The following ZNF267 variants were observed in gnomAD, a reference collection of about 807,000 sequenced individuals.
The protein encoded by ZNF267 is zinc finger (C2H2).
Under a neutral mutation model 71.6 loss-of-function variants are expected in ZNF267, and 61 were observed. The observed-to-expected ratio is 0.85, with a 90% CI of 0.69 to 1.05. The LOEUF (loss-of-function observed/expected upper bound fraction) is 1.05, where lower values mean the gene tolerates loss of function less well. ZNF267 is among the 50% of genes least tolerant of loss of function. The pLI, the probability that ZNF267 is intolerant of heterozygous loss-of-function variation, is 0.00. For missense variants in ZNF267, 852 were observed against 870.0 expected (o/e 0.98, Z 0.26); for synonymous variants, 288 against 293.2 (o/e 0.98, Z 0.18).
At chr16:31,875,061 G>C in intron 1 of ZNF267, 1 of 1,215,108 alleles carries the variant, frequency 8.2e-7, no homozygotes. Flanking sequence ...AAAAAAAACT[G>C]TGCCTCTTTT....
At chr16:31,894,203 A>C (rs2083980455) in intron 3 of ZNF267, among the ~76,000 whole-genome samples, 1 of 152,218 alleles carries the variant, frequency 6.6e-6, no homozygotes, top group Non-Finnish European at 1.5e-5. Context: ...ATTTCTTCAA[A>C]TTTGATGAAA....
In ZNF267 at chr16:31,915,519, A is replaced by C; in HGVS notation, c.1270A>C (p.Thr424Pro). The C allele has an allele frequency of 6.2e-7, 1 of 1,613,212 alleles. No homozygotes were observed. The highest frequency in any genetic ancestry group is 8.5e-7 in the Non-Finnish European group (1 of 1,179,764). The change falls in exon 4 of 4, where the codon ACT (threonine) becomes CCT (proline). Residue 424 changes from threonine (T) to proline (P), a missense_variant. Coordinates refer to ENST00000300870, the MANE Select transcript of ZNF267 (RefSeq NM_003414.6). ...GKAFRCSSYL[T>P]KHKRIHTGEK... ...AGCCTTTCGCTGTAGTTCATACCTT[A>C]CTAAACATAAGCGAATTCATACTGG...
intron 1 of ZNF267, among the ~76,000 whole-genome samples, chr16:31,879,656 T>C (rs1003727597): frequency 2.6e-4 from 39 of 152,218 alleles, no homozygotes; most frequent in African/African-American, 9.2e-4. Context: ...AGAATGGTCT[T>C]TCTGCTTACT....
intron 3 of ZNF267, among the ~76,000 whole-genome samples, chr16:31,904,642 A>G (rs1178310946): frequency 6.6e-6 from 1 of 152,004 alleles, no homozygotes; most frequent in Non-Finnish European, 1.5e-5. Flanking sequence ...TGCTTGGTAG[A>G]TCTTCCTCCG....
intron 1 of ZNF267, among the ~76,000 whole-genome samples, chr16:31,881,207 A>C (rs1398340222): frequency 6.6e-6 from 1 of 152,342 alleles, no homozygotes; most frequent in East Asian, 1.9e-4. Context: ...AAACTATTTA[A>C]ACAAGGCAAA....
intron 3 of ZNF267, among the ~76,000 whole-genome samples, chr16:31,908,014 G>C (rs1312312252): frequency 6.6e-6 from 1 of 151,900 alleles, no homozygotes; most frequent in African/African-American, 2.4e-5. Flanking sequence ...CTGCACTGCA[G>C]CCTGGGTGAC....
intron 3 of ZNF267, among the ~76,000 whole-genome samples, chr16:31,897,157 C>CAAAAAAAAAA (rs199788365): frequency 1.4e-5 from 2 of 147,334 alleles, no homozygotes; most frequent in Non-Finnish European, 1.5e-5. Flanking sequence ...CAAAACAAAA[C>CAAAAAAAAAA]AAAAAAAACC....
chr16:31,874,547 T>C (rs761965615), intron 1 of ZNF267, among the ~76,000 whole-genome samples: 2 of 152,220 alleles, frequency 1.3e-5, no homozygotes, highest in Non-Finnish European at 2.9e-5. Context: ...TTATTTAGAC[T>C]ATGCAGGTGG....
chr16:31,877,546 C>G lies in ZNF267; in HGVS notation c.3+3577C>G, dbSNP rs118163507. On this transcript the variant is annotated intron_variant, in intron 1 of 3. Transcript: ENST00000300870. ...GCTTAGGGAGGGGTTGAATGTTGAC[C>G]AGGCTGTGAGTGTGTCAAAGTCCAG... Among the ~76,000 whole-genome samples, 672 of 152,246 alleles carry G rather than the reference C, an allele frequency of 4.4e-3. 5 individuals are homozygous for G. The highest frequency in any genetic ancestry group is 0.023 in the South Asian group (111 of 4,820).
chr16:31,885,447 C>A (rs1435057062), intron 3 of ZNF267, among the ~76,000 whole-genome samples, 191 bp downstream of exon 3: 1 of 152,234 alleles, frequency 6.6e-6, no homozygotes, highest in Admixed American at 6.5e-5. Flanking sequence ...TGATGATTCT[C>A]CTTCCTCTTC....
At position 31,885,162 on chromosome 16, in the gene ZNF267, T is replaced by G. The variant is rs749718583; in HGVS notation, c.132T>G (p.Gly44=). ...LENYRNLVSL[G]LVVSKPDLIT... ...ATGTGAATTTTTCCAATAAAACAGG[T>G]CTTGTTGTCTCTAAGCCGGACCTGA... Residue 44 remains glycine, a splice_region_variant and synonymous_variant, in exon 3 of 4, where the codon GGT becomes GGG. Coordinates refer to ENST00000300870, the MANE Select transcript of ZNF267 (RefSeq NM_003414.6). The G allele has an allele frequency of 6.2e-7, 1 of 1,602,792 alleles. No homozygotes were observed. Among genetic ancestry groups the G allele is most frequent in the Non-Finnish European group, 8.5e-7 (1 of 1,175,558 alleles).
intron 3 of ZNF267, among the ~76,000 whole-genome samples, chr16:31,895,447 C>T (rs1287700421): frequency 6.6e-6 from 1 of 152,176 alleles, no homozygotes; most frequent in Non-Finnish European, 1.5e-5. Context: ...ATATCTTTGT[C>T]AAACTCTGAT....
rs2084173128 is a variant in ZNF267 at position 31,915,974 on chromosome 16, A to G, written c.1725A>G (p.Pro575=). The G allele has an allele frequency of 1.2e-6, 2 of 1,612,406 alleles. No individual in the cohort carries two copies. The highest frequency in any genetic ancestry group is 1.7e-6 in the Non-Finnish European group (2 of 1,178,910). ...ATCGAATTCATACTGGAGAAAAACC[A>G]TACAAATGTAAAGCATGTAGCAAAT... The part of the protein sequence containing the change: ...RHHRIHTGEK[P]YKCKACSKSF... The change falls in exon 4 of 4, where the codon CCA becomes CCG. Residue 575 remains proline (P), a synonymous_variant. Coordinates refer to ENST00000300870, the MANE Select transcript of ZNF267 (RefSeq NM_003414.6).
chr16:31,915,383 C>T lies in ZNF267; in HGVS notation c.1134C>T (p.Asn378=), dbSNP rs761464785. ...TKQQQIDTGE[N]LYKCKACSKS... ...AGCAGCAAATTGATACTGGAGAAAA[C>T]CTTTACAAATGTAAAGCATGTAGCA... The change falls in exon 4 of 4, where the codon AAC becomes AAT. Residue 378 remains asparagine (N), a synonymous_variant. Transcript: ENST00000300870. 1.2e-6 allele frequency: 2 copies of T among 1,613,340 alleles called. No homozygotes were observed.
chr16:31,905,701 A>T (rs2084083755), intron 3 of ZNF267, among the ~76,000 whole-genome samples: 1 of 152,044 alleles, frequency 6.6e-6, no homozygotes, highest in Non-Finnish European at 1.5e-5. Flanking sequence ...TTTTTTTTCA[A>T]GGTTTTTAAC....
intron 3 of ZNF267, among the ~76,000 whole-genome samples, chr16:31,908,688 T>C (rs1164341077): frequency 6.6e-6 from 1 of 152,172 alleles, no homozygotes; most frequent in Non-Finnish European, 1.5e-5. Context: ...CTTTCTCTAG[T>C]GTATGTTCTT....
At chr16:31,911,445 T>C (rs1212174662) in intron 3 of ZNF267, among the ~76,000 whole-genome samples, 1 of 151,756 alleles carries the variant, frequency 6.6e-6, no homozygotes, top group Non-Finnish European at 1.5e-5. Flanking sequence ...AGTTTTTATC[T>C]TGAAATATAT....
Position 31,917,333 on chromosome 16 carries a change from A to G in ZNF267, c.*852A>G, listed in dbSNP as rs2084186467. On this transcript the variant is annotated 3_prime_UTR_variant, in exon 4 of 4. Transcript: ENST00000300870. ...ATACGTGTTTAGAGCTCTTTTCTAT[A>G]TTAAAGTAAGAGGGATATTCTGAAT... 1 of 151,546 alleles carries G rather than the reference A, an allele frequency of 6.6e-6. No individual in the cohort carries two copies. Among genetic ancestry groups the G allele is most frequent in the South Asian group, 2.1e-4 (1 of 4,804 alleles). The allele number at this position is 151,546 out of a possible 1,614,324, so 9.4% of individuals were successfully genotyped here.
chr16:31,907,223 C>T (rs1482654590), intron 3 of ZNF267, among the ~76,000 whole-genome samples: 1 of 152,050 alleles, frequency 6.6e-6, no homozygotes, highest in Non-Finnish European at 1.5e-5. Context: ...AAATTTTAGG[C>T]CATTTTCTCC....
Sources: gnomAD v4.1 joint callset for allele counts (sites outside exome capture counted in the v4.1 genomes callset) on GRCh38, gnomAD v4.1.1 for gene constraint, MANE v1.5 for transcripts, NCBI Gene and HGNC (gene_info 2026-07-23, HGNC 2026-07-21) for gene names.